ZNF362: variants seen among roughly 807,000 people sequenced by gnomAD.
The protein encoded by ZNF362 is rotund homolog.
Under a neutral mutation model 42.9 loss-of-function variants are expected in ZNF362, and 11 were observed. The ratio of observed to expected loss-of-function variants is 0.26; its 90% CI spans 0.16 to 0.42. The LOEUF is 0.42. ZNF362 is among the 20% of genes least tolerant of loss of function. The pLI, the probability that ZNF362 is intolerant of heterozygous loss-of-function variation, is 1.00. For missense variants in ZNF362, 362 were observed against 576.2 expected (o/e 0.63, Z 3.81); for synonymous variants, 255 against 257.3 (o/e 0.99, Z 0.09).
At chr1:33,250,632 G>A in the ZNF362 span, among the ~76,000 whole-genome samples, 5 of 152,090 alleles carry the variant, frequency 3.3e-5, no homozygotes, top group Non-Finnish European at 5.9e-5. Flanking sequence ...GCTAATGGAT[G>A]CTGGGCTTAA....
the ZNF362 span, among the ~76,000 whole-genome samples, chr1:33,215,526 A>G: frequency 6.6e-6 from 1 of 152,186 alleles, no homozygotes; most frequent in Non-Finnish European, 1.5e-5. Context: ...GAATGTTCCT[A>G]ACACAAAGAA....
the ZNF362 span, among the ~76,000 whole-genome samples, chr1:33,179,829 A>G: frequency 1.3e-5 from 2 of 152,364 alleles, no homozygotes; most frequent in East Asian, 3.9e-4. Flanking sequence ...GAACCATTTT[A>G]TTAAACACAG....
chr1:33,245,578 T>C, the ZNF362 span, among the ~76,000 whole-genome samples: 1 of 152,190 alleles, frequency 6.6e-6, no homozygotes, highest in African/African-American at 2.4e-5. Flanking sequence ...CTGAAGATCA[T>C]TCTGGATTAC....
chr1:33,175,050 T>TATGTATATGTATATGTA, the ZNF362 span, among the ~76,000 whole-genome samples: 6 of 151,394 alleles, frequency 4.0e-5, no homozygotes, highest in East Asian at 1.9e-4. Context: ...TGTATATGTA[T>TATGTATATGTATATGTA]TTTTTTTAAG....
chr1:33,276,768 C>T (rs1229900066), intron 4 of ZNF362, among the ~76,000 whole-genome samples, 174 bp downstream of exon 4: 1 of 152,216 alleles, frequency 6.6e-6, no homozygotes, highest in Non-Finnish European at 1.5e-5. Context: ...GCCACAGCAC[C>T]GGACTTCCAA....
chr1:33,260,123 C>T (rs1320629857), intron 1 of ZNF362, among the ~76,000 whole-genome samples: 2 of 152,166 alleles, frequency 1.3e-5, no homozygotes, highest in African/African-American at 2.4e-5. Flanking sequence ...ATTTGAGAAC[C>T]GTGATGCTGG....
At chr1:33,217,724 C>T in the ZNF362 span, among the ~76,000 whole-genome samples, 1 of 152,106 alleles carries the variant, frequency 6.6e-6, no homozygotes, top group Admixed American at 6.5e-5. Context: ...TCTTATTATA[C>T]AAAGGTAGCC....
chr1:33,202,969 G>A, the ZNF362 span, among the ~76,000 whole-genome samples: 1 of 152,104 alleles, frequency 6.6e-6, no homozygotes, highest in Non-Finnish European at 1.5e-5. Context: ...ATCTCAAATA[G>A]TTACTCCTTT....
chr1:33,145,671 T>A, the ZNF362 span: 37 of 313,518 alleles, frequency 1.2e-4, no homozygotes, highest in Middle Eastern at 1.2e-3. Flanking sequence ...GAAAGAAAAG[T>A]CAAGGCCGGG....
chr1:33,206,145 A>G, the ZNF362 span, among the ~76,000 whole-genome samples: 1 of 152,180 alleles, frequency 6.6e-6, no homozygotes, highest in Non-Finnish European at 1.5e-5. Context: ...CTTCAAATGT[A>G]TCATAGAAAA....
the ZNF362 span, among the ~76,000 whole-genome samples, chr1:33,198,284 G>A: frequency 3.3e-5 from 5 of 152,144 alleles, no homozygotes; most frequent in East Asian, 1.9e-4. Context: ...GGAGACCAGG[G>A]TATTTGAGCC....
the ZNF362 span, among the ~76,000 whole-genome samples, chr1:33,246,669 T>C: frequency 3.3e-5 from 5 of 152,350 alleles, no homozygotes; most frequent in East Asian, 9.6e-4. Flanking sequence ...TTGCTTTGAT[T>C]TTACAGCAAC....
the ZNF362 span, among the ~76,000 whole-genome samples, chr1:33,244,895 C>T: frequency 1.3e-5 from 2 of 152,212 alleles, no homozygotes; most frequent in South Asian, 4.1e-4. The surrounding 1 kb of genome is among the most constrained non-coding windows in gnomAD (Gnocchi z 4.0). Context: ...CTTCATGGGA[C>T]TGCCAACCTC....
chr1:33,280,327 C>T lies in ZNF362; in HGVS notation c.553C>T (p.Leu185Phe). Reference sequence around the variant, plus strand: ...CAAGACAATCCAGGGCCACGGCCTGCTTGGCCCCCCCAAGTCCGAACGCGG... The same window carrying T: ...CAAGACAATCCAGGGCCACGGCCTGTTTGGCCCCCCCAAGTCCGAACGCGG... ...SIKTIQGHGL[L>F]GPPKSERGRK... Residue 185 changes from leucine (L) to phenylalanine (F), a missense_variant, in exon 5 of 9, where the codon CTT becomes TTT. Leu to Phe is a conservative substitution (Grantham distance 22). Around this residue, in one of 3 missense-constraint regions of ZNF362, gnomAD observed 266 missense variants for 365.4 expected, o/e 0.73. Transcript: ENST00000539719. This position sits in a 1 kb window ranked among gnomAD's most constrained non-coding sequence, Gnocchi z 5.6. 1.9e-6 allele frequency: 3 copies of T among 1,614,076 alleles called. No homozygotes were observed. Among genetic ancestry groups the T allele is most frequent in the East Asian group, 4.5e-5 (2 of 44,878 alleles).
the ZNF362 span, among the ~76,000 whole-genome samples, chr1:33,223,204 T>C: frequency 1.3e-5 from 2 of 151,964 alleles, no homozygotes; most frequent in Admixed American, 6.6e-5. Context: ...TGAGCCGAGA[T>C]TGAGCCACTG....
the ZNF362 span, among the ~76,000 whole-genome samples, chr1:33,206,368 A>G: frequency 1.3e-5 from 2 of 152,278 alleles, no homozygotes; most frequent in East Asian, 3.9e-4. Flanking sequence ...AACAAAAAAA[A>G]AATGACTACA....
In ZNF362 at chr1:33,299,122, G is replaced by A. The variant is rs1235324467; in HGVS notation, c.*76G>A. On this transcript the variant is annotated 3_prime_UTR_variant, in exon 9 of 9. Transcript: ENST00000539719. ...GCAGCACCAGGCCCCAGCTCCCTCC[G>A]GGGGCCCTCCAGGAACCACCAAGCT... 1.5e-5 allele frequency: 17 copies of A among 1,156,600 alleles called. No homozygotes were observed. The highest frequency in any genetic ancestry group is 5.0e-5 in the South Asian group (4 of 79,698). 71.6% of individuals were successfully genotyped at this position (1,156,600 alleles called of 1,614,324 possible). A position where few individuals can be genotyped will look rare whatever the true frequency, so the allele number is the denominator to read the frequency against.
In ZNF362 at chr1:33,299,221, A is replaced by G; in HGVS notation, c.*175A>G. 2 of 588,204 alleles carry G rather than the reference A, an allele frequency of 3.4e-6. No individual in the cohort carries two copies. Among genetic ancestry groups the G allele is most frequent in the Admixed American group, 5.9e-5 (2 of 34,030 alleles). The allele number at this position is 588,204 out of a possible 1,614,324, so 36.4% of individuals were successfully genotyped here. On this transcript the variant is annotated 3_prime_UTR_variant, in exon 9 of 9. Coordinates refer to ENST00000539719, the MANE Select transcript of ZNF362 (RefSeq NM_152493.3). ...TGCCTGGTCCAGTCCGGGGGCGGCC[A>G]GGCCAACTGCAAGATTCTGGACTGT...
At chr1:33,171,480 GA>G in the ZNF362 span, among the ~76,000 whole-genome samples, 11 of 152,228 alleles carry the variant, frequency 7.2e-5, no homozygotes, top group African/African-American at 2.6e-4. Flanking sequence ...CAGTGGCTCC[GA>G]AAATCCATGT....
Sources: gnomAD v4.1 joint callset for allele counts (sites outside exome capture counted in the v4.1 genomes callset) on GRCh38, gnomAD v4.1.1 for gene constraint, gnomAD v4.1.1 regional missense constraint, Gnocchi (gnomAD v3.1) non-coding constraint, MANE v1.5 for transcripts, NCBI Gene and HGNC (gene_info 2026-07-23, HGNC 2026-07-21) for gene names.